Variants in OSBPL1A observed in about 807,000 individuals in gnomAD.
The protein encoded by OSBPL1A is oxysterol-binding protein-related protein 1.
Under a neutral mutation model 137.1 loss-of-function variants are expected in OSBPL1A, and 80 were observed. That is an observed-to-expected ratio of 0.58 (90% confidence interval 0.49 to 0.70). OSBPL1A has a LOEUF of 0.70. Among genes scored for constraint, OSBPL1A ranks in the 30% least tolerant of loss-of-function variants. The pLI, the probability that OSBPL1A is intolerant of heterozygous loss-of-function variation, is 0.00. For missense variants in OSBPL1A, 970 were observed against 1,129.4 expected, an observed-to-expected ratio of 0.86 and a Z score of 2.02; for synonymous variants, 365 against 389.7, an observed-to-expected ratio of 0.94 and a Z score of 0.75.
rs201328954 is a variant in OSBPL1A, at chr18:24,280,991, A to C, written c.1175-43T>G. On this transcript the variant is annotated intron_variant, in intron 14 of 27. Coordinates refer to ENST00000319481, the MANE Select transcript of OSBPL1A (RefSeq NM_080597.4). Reference sequence around the variant, plus strand: ...AATACAGTGAGTCGGATTTTAAGGAATCTTAAGGTAAACTAAGACCACAAA... The same window carrying C: ...AATACAGTGAGTCGGATTTTAAGGACTCTTAAGGTAAACTAAGACCACAAA... The C allele has an allele frequency of 2.6e-4, 355 of 1,367,052 alleles. 2 individuals are homozygous for C. In the East Asian group the frequency reaches 8.2e-3, roughly 32 times the overall value. 84.7% of individuals were successfully genotyped at this position (1,367,052 alleles called of 1,614,324 possible).
At chr18:24,164,956 G>C in intron 27 of OSBPL1A, 109 bp downstream of exon 27, 1 of 1,078,406 alleles carries the variant, frequency 9.3e-7, no homozygotes, top group East Asian at 2.4e-5. Flanking sequence ...GGCAGGGTTT[G>C]TGTTAGATAG....
chr18:24,351,777 T>C (rs2091446241), intron 4 of OSBPL1A, among the ~76,000 whole-genome samples: 1 of 152,120 alleles, frequency 6.6e-6, no homozygotes, highest in South Asian at 2.1e-4. Context: ...TGACCTCAGG[T>C]GATCTGCCCA....
At chr18:24,196,280 A>G (rs2087028401) in intron 17 of OSBPL1A, 80 bp from the exon 18 acceptor site, 3 of 953,142 alleles carry the variant, frequency 3.1e-6, no homozygotes, top group Non-Finnish European at 4.9e-6. Flanking sequence ...CATTCACATG[A>G]GAGCTGCAGG....
At chr18:24,364,609 T>A (rs139242623) in intron 4 of OSBPL1A, among the ~76,000 whole-genome samples, 1 of 151,654 alleles carries the variant, frequency 6.6e-6, no homozygotes, top group Non-Finnish European at 1.5e-5. Context: ...AAACAATTTT[T>A]TTTTAATTTT....
chr18:24,324,784 T>C (rs1300973288), intron 7 of OSBPL1A, among the ~76,000 whole-genome samples: 1 of 100,994 alleles, frequency 9.9e-6, no homozygotes, highest in East Asian at 3.1e-4. Flanking sequence ...ACTCTGTCTA[T>C]TAAAAAAAAA....
intron 14 of OSBPL1A, among the ~76,000 whole-genome samples, chr18:24,289,666 C>T (rs2090141004): frequency 6.6e-6 from 1 of 151,960 alleles, no homozygotes; most frequent in African/African-American, 2.4e-5. Flanking sequence ...GGTGATCTGC[C>T]GCCTCAGCCT....
At chr18:24,258,609 C>A (rs1008129336) in intron 15 of OSBPL1A, among the ~76,000 whole-genome samples, 3 of 152,176 alleles carry the variant, frequency 2.0e-5, no homozygotes, top group African/African-American at 7.2e-5. Flanking sequence ...TAATTGCACA[C>A]TTTATAATTG....
chr18:24,331,241 T>A (rs2091071883), intron 7 of OSBPL1A, among the ~76,000 whole-genome samples: 1 of 152,134 alleles, frequency 6.6e-6, no homozygotes, highest in South Asian at 2.1e-4. Context: ...GGAGATAGCA[T>A]CATAAGCCAA....
chr18:24,376,865 C>T lies in OSBPL1A; in HGVS notation c.121+548G>A, dbSNP rs536154140. On this transcript the variant is annotated intron_variant, in intron 2 of 27. Coordinates refer to ENST00000319481, the MANE Select transcript of OSBPL1A (RefSeq NM_080597.4). Reference sequence around the variant, plus strand: ...GCCAGGGGCCGACAGGGCCGGCCGGCTGCTCCCAGTGCGGGGCCCACCAAG... The same window carrying T: ...GCCAGGGGCCGACAGGGCCGGCCGGTTGCTCCCAGTGCGGGGCCCACCAAG... Among the ~76,000 whole-genome samples, 18 of 152,368 alleles carry T rather than the reference C, an allele frequency of 1.2e-4. No individual in the cohort carries two copies. In the South Asian group the frequency reaches 3.7e-3, roughly 32 times the overall value.
intron 16 of OSBPL1A, among the ~76,000 whole-genome samples, chr18:24,229,222 G>A (rs988586152): frequency 1.3e-5 from 2 of 151,878 alleles, no homozygotes; most frequent in African/African-American, 2.4e-5. Flanking sequence ...GGTAGGTAGC[G>A]GGAAGAAATA....
intron 1 of OSBPL1A, among the ~76,000 whole-genome samples, chr18:24,383,555 A>G (rs1408800709): frequency 1.3e-5 from 2 of 152,228 alleles, no homozygotes; most frequent in African/African-American, 4.8e-5. Context: ...CAAAAGATCA[A>G]CTTGATCCTG....
intron 17 of OSBPL1A, among the ~76,000 whole-genome samples, chr18:24,212,955 T>C (rs1173843283): frequency 6.6e-6 from 1 of 152,214 alleles, no homozygotes; most frequent in Non-Finnish European, 1.5e-5. Flanking sequence ...ATGACTGTTA[T>C]TATAATGTAC....
chr18:24,273,001 G>A (rs2089758604), intron 15 of OSBPL1A, among the ~76,000 whole-genome samples: 1 of 152,190 alleles, frequency 6.6e-6, no homozygotes, highest in Non-Finnish European at 1.5e-5. Flanking sequence ...CACCTCCTGG[G>A]TTCAAGTGAT....
intron 17 of OSBPL1A, among the ~76,000 whole-genome samples, chr18:24,200,576 A>C (rs945984236): frequency 6.6e-6 from 1 of 151,794 alleles, no homozygotes; most frequent in African/African-American, 2.4e-5. Flanking sequence ...AAAAAAAAAA[A>C]AAAAGTAAAA....
In OSBPL1A at chr18:24,287,772, AAAAATAAAAT is replaced by A. The variant is rs56768879; in HGVS notation, c.1175-6834_1175-6825del. Among the ~76,000 whole-genome samples, 746 of 136,172 alleles carry A rather than the reference AAAAATAAAAT, an allele frequency of 5.5e-3. 7 individuals are homozygous for A. The highest frequency in any genetic ancestry group is 0.016 in the African/African-American group (562 of 35,940). 89.3% of individuals were successfully genotyped at this position (136,172 alleles called of 152,430 possible). A position where few individuals can be genotyped will look rare whatever the true frequency, so the allele number is the denominator to read the frequency against. The stretch of plus-strand genomic sequence containing the variant: ...GGGCAACAGAGAGAGACTCTGTCTC[AAAAATAAAAT>A]AAAATAAAATAAAATAAAATAAAAT... On this transcript the variant is annotated intron_variant, in intron 14 of 27. Coordinates refer to ENST00000319481, the MANE Select transcript of OSBPL1A (RefSeq NM_080597.4).
chr18:24,375,096 CTTGAGA>C (rs1905992221), intron 2 of OSBPL1A, among the ~76,000 whole-genome samples: 1 of 152,012 alleles, frequency 6.6e-6, no homozygotes, highest in South Asian at 2.1e-4. Flanking sequence ...GAGAGGATCG[CTTGAGA>C]CCAGGAGTTC....
At chr18:24,259,188 A>T (rs275856) in intron 15 of OSBPL1A, among the ~76,000 whole-genome samples, 19,781 of 152,054 alleles carry the variant, frequency 0.13, 1,543 homozygotes, top group African/African-American at 0.22. Flanking sequence ...ATTATAGGCG[A>T]GAGCCACCAC....
intron 2 of OSBPL1A, among the ~76,000 whole-genome samples, chr18:24,371,273 G>A (rs1905614240): frequency 6.6e-6 from 1 of 152,116 alleles, no homozygotes; most frequent in African/African-American, 2.4e-5. Flanking sequence ...CCCTGTCCAA[G>A]CATCTCTCAT....
rs1461089071 is a variant in OSBPL1A, at chr18:24,163,166, AC to A, written c.*12del. ...ATTTGTAGATTAGCCAAACACCCTG[AC>A]TTGTATGCATTTTAATAAATGTCAG... On this transcript the variant is annotated 3_prime_UTR_variant, in exon 28 of 28. Coordinates refer to ENST00000319481, the MANE Select transcript of OSBPL1A (RefSeq NM_080597.4). 2.5e-6 allele frequency: 4 copies of A among 1,577,646 alleles called. No homozygotes were observed. The highest frequency in any genetic ancestry group is 3.5e-6 in the Non-Finnish European group (4 of 1,148,510).
Sources: allele counts gnomAD v4.1 joint callset (sites outside exome capture counted in the v4.1 genomes callset), GRCh38; gene constraint gnomAD v4.1.1; transcripts MANE v1.5; gene names NCBI Gene and HGNC (gene_info 2026-07-23, HGNC 2026-07-21).